Variants in CYRIA observed in about 807,000 individuals in gnomAD.
CYRIA encodes the protein CYFIP related Rac1 interactor A.
A neutral mutation model predicts 43.9 loss-of-function variants in CYRIA; 15 were observed. The observed-to-expected ratio is 0.34, with a 90% CI of 0.23 to 0.53. CYRIA has a LOEUF of 0.53. CYRIA is among the 20% of genes least tolerant of loss of function. The pLI is 0.94. For missense variants in CYRIA, 236 were observed against 394.2 expected, an observed-to-expected ratio of 0.60 and a Z score of 3.40; for synonymous variants, 117 against 136.0, an observed-to-expected ratio of 0.86 and a Z score of 0.97.
intron 1 of CYRIA, among the ~76,000 whole-genome samples, chr2:16,654,609 G>GC (rs1670056436): frequency 6.6e-6 from 1 of 152,044 alleles, no homozygotes; most frequent in Non-Finnish European, 1.5e-5. Flanking sequence ...CCCATTTTCA[G>GC]CCCTTTTCAG....
chr2:16,640,863 G>A (rs1381816909), intron 1 of CYRIA, among the ~76,000 whole-genome samples: 3 of 150,810 alleles, frequency 2.0e-5, no homozygotes, highest in African/African-American at 4.9e-5. Context: ...TTTCATTAAC[G>A]AGGTGAAGCT....
At chr2:16,586,610 T>C (rs1413362644) in intron 3 of CYRIA, among the ~76,000 whole-genome samples, 1 of 150,592 alleles carries the variant, frequency 6.6e-6, no homozygotes, top group African/African-American at 2.5e-5. Context: ...GGGACACTTT[T>C]CCTTTTCAAG....
Position 16,549,501 on chromosome 2 carries a change from C to T in CYRIA, c.*3435G>A, listed in dbSNP as rs1666219267. On this transcript the variant is annotated 3_prime_UTR_variant, in exon 12 of 12. Coordinates refer to ENST00000381323, the MANE Select transcript of CYRIA (RefSeq NM_030797.4). ...CAAACTTTAATTTTCATTTCACACT[C>T]AAAACTCCTGTAGAAAAAAAGGCAA... The T allele has an allele frequency of 6.6e-6, 1 of 151,774 alleles. No individual in the cohort carries two copies. Among genetic ancestry groups the T allele is most frequent in the Non-Finnish European group, 1.5e-5 (1 of 67,940 alleles). The allele number at this position is 151,774 out of a possible 1,614,324, so 9.4% of individuals were successfully genotyped here.
rs12710736 is a variant in CYRIA at position 16,557,612 on chromosome 2, C to G, written c.837+1848G>C. Among the ~76,000 whole-genome samples, 4 of 151,930 alleles carry G rather than the reference C, an allele frequency of 2.6e-5. No individual in the cohort carries two copies. In the South Asian group the frequency reaches 8.3e-4, roughly 31 times the overall value. ...AGCCTGAAACTTTCTTAGAGGTACA[C>G]GCAAACATCCATATGAACAAACCTT... On this transcript the variant is annotated intron_variant, in intron 10 of 11. Transcript: ENST00000381323.
At chr2:16,640,344 G>T (rs926659181) in intron 1 of CYRIA, among the ~76,000 whole-genome samples, 3 of 152,210 alleles carry the variant, frequency 2.0e-5, no homozygotes, top group Non-Finnish European at 2.9e-5. Context: ...CTCCCCCACA[G>T]CGCTAGGGTT....
At chr2:16,586,851 G>C (rs1489746735) in intron 3 of CYRIA, among the ~76,000 whole-genome samples, 2 of 152,160 alleles carry the variant, frequency 1.3e-5, no homozygotes, top group South Asian at 2.1e-4. Flanking sequence ...ATGGTGATTA[G>C]TGGGAAAAAA....
chr2:16,605,055 C>T (rs567716470), intron 2 of CYRIA, among the ~76,000 whole-genome samples: 1 of 152,094 alleles, frequency 6.6e-6, no homozygotes, highest in Admixed American at 6.5e-5. Flanking sequence ...TGGTGTCCCT[C>T]AAAAGGGCTT....
At chr2:16,587,100 C>T (rs571431462) in intron 3 of CYRIA, among the ~76,000 whole-genome samples, 14 of 152,172 alleles carry the variant, frequency 9.2e-5, no homozygotes, top group Admixed American at 8.5e-4. Flanking sequence ...GAAACATAAC[C>T]TTTTGGGTAA....
intron 1 of CYRIA, among the ~76,000 whole-genome samples, chr2:16,648,461 T>C (rs762254940): frequency 3.9e-5 from 6 of 152,228 alleles, no homozygotes; most frequent in Admixed American, 6.5e-5. Flanking sequence ...GCTGGGGACC[T>C]TGAGTTAAGT....
chr2:16,584,958 T>A (rs1198985372), intron 3 of CYRIA, among the ~76,000 whole-genome samples: 1 of 152,154 alleles, frequency 6.6e-6, no homozygotes, highest in East Asian at 1.9e-4. Context: ...TGTAAGTCCT[T>A]TATTTATTTC....
In CYRIA at chr2:16,551,303, A is replaced by G. The variant is rs1348322162; in HGVS notation, c.*1633T>C. 1.3e-5 allele frequency: 2 copies of G among 152,192 alleles called. No homozygotes were observed. Among genetic ancestry groups the G allele is most frequent in the Non-Finnish European group, 2.9e-5 (2 of 68,030 alleles). 9.4% of individuals were successfully genotyped at this position (152,192 alleles called of 1,614,324 possible). On this transcript the variant is annotated 3_prime_UTR_variant, in exon 12 of 12. Coordinates refer to ENST00000381323, the MANE Select transcript of CYRIA (RefSeq NM_030797.4). ...TCCTGGGATGTTGCAAATAATGCCA[A>G]ACTCTGATGTACTCAGACTCAACTT...
intron 1 of CYRIA, among the ~76,000 whole-genome samples, chr2:16,661,524 CA>C (rs1441136096): frequency 1.4e-4 from 21 of 152,326 alleles, no homozygotes; most frequent in African/African-American, 4.6e-4. Flanking sequence ...TCCTTTAACT[CA>C]GATGTGTCAA....
chr2:16,580,103 A>G lies in CYRIA; in HGVS notation c.70+7947T>C, dbSNP rs546539074. On this transcript the variant is annotated intron_variant, in intron 3 of 11. Coordinates refer to ENST00000381323, the MANE Select transcript of CYRIA (RefSeq NM_030797.4). ...GCTGGGACTACAGGTGCATGCCACCATGCCTAATTAATTTTTGTATTTTTT... is the reference window on the plus strand; with the variant it reads ...GCTGGGACTACAGGTGCATGCCACCGTGCCTAATTAATTTTTGTATTTTTT... Among the ~76,000 whole-genome samples the G allele has an allele frequency of 1.4e-4, 21 of 152,120 alleles. No homozygotes were observed. In the South Asian group the frequency reaches 4.2e-3, roughly 30 times the overall value.
rs34992582 is a variant in CYRIA, at chr2:16,638,417, G to T, written c.-166-14398C>A. On this transcript the variant is annotated intron_variant, in intron 1 of 11. Coordinates refer to ENST00000381323, the MANE Select transcript of CYRIA (RefSeq NM_030797.4). ...GTGTGATGGGATCTGGCCGGGAAAA[G>T]CTTCCTGGAGGGGCTGGGGCCTAAT... Among the ~76,000 whole-genome samples the T allele has an allele frequency of 3.7e-3, 558 of 152,320 alleles. 4 individuals are homozygous for T. Among genetic ancestry groups the T allele is most frequent in the Middle Eastern group, 0.014 (4 of 294 alleles).
intron 11 of CYRIA, among the ~76,000 whole-genome samples, chr2:16,553,668 T>C (rs528319510): frequency 2.0e-5 from 3 of 152,272 alleles, no homozygotes; most frequent in African/African-American, 7.2e-5. Context: ...AAATGATCTA[T>C]TCCAGATCAC....
intron 3 of CYRIA, 37 bp from the exon 4 acceptor site, chr2:16,565,804 G>A: frequency 6.6e-7 from 1 of 1,505,182 alleles, no homozygotes; most frequent in South Asian, 1.3e-5. Context: ...GAGTGCTGGT[G>A]TTTACAAATA....
chr2:16,562,206 A>C, intron 5 of CYRIA, 65 bp from the exon 6 acceptor site: 1 of 1,528,198 alleles, frequency 6.5e-7, no homozygotes, highest in Non-Finnish European at 8.9e-7. Flanking sequence ...AAAGAACACA[A>C]TTCCCAGCCT....
Position 16,602,278 on chromosome 2 carries a change from C to T in CYRIA, c.-10-14149G>A, listed in dbSNP as rs547557209. On this transcript the variant is annotated intron_variant, in intron 2 of 11. Coordinates refer to ENST00000381323, the MANE Select transcript of CYRIA (RefSeq NM_030797.4). ...ACCTTCCAGAATCTATAATCTTTAG[C>T]CTCTCTGGTGCAAAGACTTGAAGAA... Among the ~76,000 whole-genome samples the T allele has an allele frequency of 2.0e-5, 3 of 152,234 alleles. No individual in the cohort carries two copies. The South Asian group carries it at 6.2e-4, about 32-fold the overall frequency.
At chr2:16,572,553 C>T (rs1003893759) in intron 3 of CYRIA, among the ~76,000 whole-genome samples, 1 of 152,126 alleles carries the variant, frequency 6.6e-6, no homozygotes, top group Non-Finnish European at 1.5e-5. Flanking sequence ...CCAATAGTGG[C>T]AGGGAGTGGT....
Sources: gnomAD v4.1 joint callset for allele counts (sites outside exome capture counted in the v4.1 genomes callset) on GRCh38, gnomAD v4.1.1 for gene constraint, MANE v1.5 for transcripts, NCBI Gene and HGNC (gene_info 2026-07-23, HGNC 2026-07-21) for gene names.